PPP4R1: variants seen among roughly 807,000 people sequenced by gnomAD.
PPP4R1 encodes the protein serine/threonine-protein phosphatase 4 regulatory subunit 1.
A neutral mutation model predicts 111.2 loss-of-function variants in PPP4R1; 42 were observed. The observed-to-expected ratio is 0.38, with a 90% CI of 0.29 to 0.49. The LOEUF is 0.49. Ranked by LOEUF, PPP4R1 falls within the 20% of genes least tolerant of loss-of-function variation. PPP4R1 has a pLI of 0.97. For missense variants in PPP4R1, 1,012 were observed against 1,161.6 expected, an observed-to-expected ratio of 0.87 and a Z score of 1.87; for synonymous variants, 409 against 405.5, an observed-to-expected ratio of 1.01 and a Z score of -0.10.
intron 16 of PPP4R1, chr18:9,551,549 C>T (rs1364927538): frequency 6.6e-6 from 1 of 152,304 alleles, no homozygotes; most frequent in African/African-American, 2.4e-5. Flanking sequence ...TCAGGAAAAA[C>T]AGGAGAGATG....
chr18:9,557,032 A>C, intron 15 of PPP4R1, 189 bp downstream of exon 15: 1 of 496,684 alleles, frequency 2.0e-6, no homozygotes, highest in East Asian at 3.6e-5. Context: ...CTATCATCTA[A>C]TACTGTTTTA....
intron 8 of PPP4R1, among the ~76,000 whole-genome samples, 160 bp from the exon 9 acceptor site, chr18:9,583,435 T>C (rs1423622402): frequency 6.6e-6 from 1 of 152,182 alleles, no homozygotes; most frequent in African/African-American, 2.4e-5. Context: ...GGTGCGATCT[T>C]GGCTCACTGC....
intron 2 of PPP4R1, among the ~76,000 whole-genome samples, chr18:9,599,191 CTA>C (rs1244024364): frequency 6.6e-6 from 1 of 151,824 alleles, no homozygotes; most frequent in Non-Finnish European, 1.5e-5. Flanking sequence ...TAATGTATGA[CTA>C]TAATAGCACA....
At chr18:9,553,294 CAT>C in intron 16 of PPP4R1, 26 bp downstream of exon 16, 4 of 1,495,844 alleles carry the variant, frequency 2.7e-6, no homozygotes, top group Non-Finnish European at 3.7e-6. Flanking sequence ...CCCTCCAAAA[CAT>C]AATCTAATAA....
At chr18:9,602,337 C>T (rs1458696129) in intron 2 of PPP4R1, among the ~76,000 whole-genome samples, 1 of 138,920 alleles carries the variant, frequency 7.2e-6, no homozygotes, top group Non-Finnish European at 1.5e-5. Context: ...TGAGACCATC[C>T]TGGTTAACAT....
At chr18:9,576,357 C>T (rs1203433165) in intron 10 of PPP4R1, among the ~76,000 whole-genome samples, 1 of 152,030 alleles carries the variant, frequency 6.6e-6, no homozygotes, top group Non-Finnish European at 1.5e-5. Flanking sequence ...TTCCCGCATA[C>T]TAGTAAGTTA....
intron 15 of PPP4R1, among the ~76,000 whole-genome samples, chr18:9,556,434 C>G (rs2066586964): frequency 6.6e-6 from 1 of 152,104 alleles, no homozygotes; most frequent in African/African-American, 2.4e-5. Context: ...CTCAAGTGAT[C>G]TGCCCGCCTC....
chr18:9,569,168 C>A (rs796339196), intron 11 of PPP4R1, among the ~76,000 whole-genome samples: 14 of 133,542 alleles, frequency 1.0e-4, no homozygotes, highest in African/African-American at 3.7e-4. Context: ...CCAGCCTGGG[C>A]AACAAAGCGA....
At chr18:9,612,083 A>G (rs2067590994) in intron 2 of PPP4R1, among the ~76,000 whole-genome samples, 1 of 152,138 alleles carries the variant, frequency 6.6e-6, no homozygotes, top group South Asian at 2.1e-4. Flanking sequence ...AAGGTTCAAC[A>G]TCAGTGTTTC....
intron 5 of PPP4R1, 22 bp from the exon 6 acceptor site, chr18:9,588,257 AAAG>A: frequency 1.2e-6 from 2 of 1,609,454 alleles, no homozygotes; most frequent in Non-Finnish European, 1.7e-6. Context: ...ATAACAACAC[AAAG>A]AAAGTACATA....
intron 13 of PPP4R1, among the ~76,000 whole-genome samples, chr18:9,560,037 T>C (rs1462829613): frequency 6.6e-6 from 1 of 152,150 alleles, no homozygotes; most frequent in Non-Finnish European, 1.5e-5. Context: ...CTCACACCTG[T>C]AGTCCCAGCA....
At chr18:9,594,392 T>A (rs1002050958) in intron 3 of PPP4R1, among the ~76,000 whole-genome samples, 9 of 152,226 alleles carry the variant, frequency 5.9e-5, no homozygotes, top group African/African-American at 2.2e-4. Context: ...CATTTTTTTT[T>A]AATCTTTATC....
intron 2 of PPP4R1, among the ~76,000 whole-genome samples, chr18:9,610,388 T>C (rs2067556941): frequency 6.6e-6 from 1 of 152,242 alleles, no homozygotes; most frequent in South Asian, 2.1e-4. Context: ...AATTTGAAAT[T>C]CAAAGTATTT....
chr18:9,602,574 C>A, intron 2 of PPP4R1, among the ~76,000 whole-genome samples: 1 of 146,698 alleles, frequency 6.8e-6, no homozygotes. Context: ...TGCACCTTTC[C>A]TTTAGCCATG....
intron 6 of PPP4R1, chr18:9,587,369 C>T (rs989459877): frequency 5.3e-5 from 8 of 151,280 alleles, no homozygotes; most frequent in African/African-American, 1.5e-4. Context: ...TAACAGAAAG[C>T]AGCCTTTTCT....
In PPP4R1 at chr18:9,559,448, T is replaced by C. The variant is rs2066638676; in HGVS notation, c.1999A>G (p.Thr667Ala). The change falls in exon 14 of 20, where the codon ACG (threonine) becomes GCG (alanine). Residue 667 changes from threonine to alanine, a missense_variant. By Grantham distance (58) the Thr-to-Ala change is moderately conservative. This residue lies in a region of PPP4R1 where 305 missense variants were observed against 419.5 expected (regional missense o/e 0.73). Coordinates refer to ENST00000400556, the MANE Select transcript of PPP4R1 (RefSeq NM_001042388.3). ...GRQNWHCLRE[T>A]YETLASDMQW... ...ATGTCTGAGGCCAGAGTCTCATACG[T>C]CTCTCTCAGGCAGTGCCAATTCTGT... The C allele has an allele frequency of 8.1e-6, 13 of 1,612,660 alleles. No homozygotes were observed. The highest frequency in any genetic ancestry group is 1.0e-5 in the Non-Finnish European group (12 of 1,179,214).
upstream of PPP4R1, among the ~76,000 whole-genome samples, chr18:9,616,140 A>AT: frequency 6.6e-6 from 1 of 152,322 alleles, no homozygotes; most frequent in South Asian, 2.1e-4. Flanking sequence ...ATCAACAGCA[A>AT]TTGGTCCCAA....
intron 9 of PPP4R1, among the ~76,000 whole-genome samples, chr18:9,579,665 T>C (rs2066993949): frequency 1.3e-5 from 2 of 152,156 alleles, no homozygotes; most frequent in South Asian, 4.1e-4. Flanking sequence ...GTTAGACCCA[T>C]GATGGTTGTG....
At chr18:9,598,478 T>A (rs1459325432) in intron 2 of PPP4R1, among the ~76,000 whole-genome samples, 1 of 152,130 alleles carries the variant, frequency 6.6e-6, no homozygotes, top group Non-Finnish European at 1.5e-5. Flanking sequence ...GACTTTTCCA[T>A]CTAAAATACA....
Sources: gnomAD v4.1 joint callset for allele counts (sites outside exome capture counted in the v4.1 genomes callset) on GRCh38, gnomAD v4.1.1 for gene constraint, gnomAD v4.1.1 regional missense constraint, MANE v1.5 for transcripts, NCBI Gene and HGNC (gene_info 2026-07-23, HGNC 2026-07-21) for gene names.